Variants in MRPL48 observed in about 807,000 individuals in gnomAD.
MRPL48 encodes mitochondrial ribosomal protein L48.
A neutral mutation model predicts 32.9 loss-of-function variants in MRPL48; 16 were observed. That is an observed-to-expected ratio of 0.49 (90% CI 0.33 to 0.74). MRPL48 has a LOEUF of 0.74. MRPL48 is among the 30% of genes least tolerant of loss of function. MRPL48 has a pLI of 0.02. For missense variants in MRPL48, 206 were observed against 245.3 expected, an observed-to-expected ratio of 0.84 and a Z score of 1.07; for synonymous variants, 94 against 89.2, an observed-to-expected ratio of 1.05 and a Z score of -0.31.
At chr11:73,850,454 CTCTT>C (rs963679375) in intron 5 of MRPL48, 118 of 317,476 alleles carry the variant, frequency 3.7e-4, no homozygotes, top group African/African-American at 2.6e-3. Context: ...AAAAAAATCT[CTCTT>C]TCTTTATTCA....
At chr11:73,813,362 C>T (rs1444109471) in intron 3 of MRPL48, among the ~76,000 whole-genome samples, 1 of 151,740 alleles carries the variant, frequency 6.6e-6, no homozygotes, top group African/African-American at 2.4e-5. Flanking sequence ...TTAGTAGAGA[C>T]AGGGTTTCAC....
intron 3 of MRPL48, among the ~76,000 whole-genome samples, chr11:73,819,622 A>G (rs139247966): frequency 5.8e-4 from 88 of 152,346 alleles, no homozygotes; most frequent in Non-Finnish European, 9.3e-4. Flanking sequence ...AGTGCCTGGT[A>G]TAATGCCTGA....
rs115268961 is a variant in MRPL48, at chr11:73,805,049, C to G, written c.44C>G (p.Thr15Ser). The stretch of plus-strand genomic sequence containing the variant: ...TAGGTGCTGTGCCTGAGGAACAATA[C>G]CATTTTTAAGCAAGCCTTTTCTCTC... ...LEKVLCLRNN[T>S]IFKQAFSLLR... The change falls in exon 2 of 8, where the codon ACC becomes AGC. Residue 15 changes from threonine to serine, a missense_variant. Physicochemically the swap from Thr to Ser is moderately conservative, Grantham distance 58 (BLOSUM62 1). Coordinates refer to ENST00000310614, the MANE Select transcript of MRPL48 (RefSeq NM_016055.6). 2 of 1,589,062 alleles carry G rather than the reference C, an allele frequency of 1.3e-6. No homozygotes were observed. Among genetic ancestry groups the G allele is most frequent in the Non-Finnish European group, 1.7e-6 (2 of 1,166,718 alleles).
At chr11:73,825,674 A>G (rs1343544568) in intron 3 of MRPL48, 34 bp from the exon 4 acceptor site, 1 of 1,531,000 alleles carries the variant, frequency 6.5e-7, no homozygotes, top group Non-Finnish European at 8.8e-7. Context: ...AGCAACAACA[A>G]AAAAACAGGT....
intron 4 of MRPL48, among the ~76,000 whole-genome samples, chr11:73,826,855 C>T (rs1184297406): frequency 4.0e-5 from 6 of 150,184 alleles, no homozygotes; most frequent in Non-Finnish European, 8.9e-5. Context: ...CGGCTCACTG[C>T]AACCTCCACC....
At chr11:73,853,026 T>C (rs888767600) in intron 5 of MRPL48, among the ~76,000 whole-genome samples, 1 of 152,202 alleles carries the variant, frequency 6.6e-6, no homozygotes, top group African/African-American at 2.4e-5. Flanking sequence ...TTGTCATTTA[T>C]TTGTGGGTGC....
chr11:73,792,140 A>G (rs555820004), intron 1 of MRPL48, among the ~76,000 whole-genome samples: 1 of 152,340 alleles, frequency 6.6e-6, no homozygotes, highest in South Asian at 2.1e-4. Context: ...GGGTCAACAG[A>G]AGGAGTTCAG....
intron 1 of MRPL48, among the ~76,000 whole-genome samples, chr11:73,796,576 A>G (rs1027265737): frequency 1.1e-4 from 17 of 152,234 alleles, no homozygotes; most frequent in African/African-American, 3.9e-4. Context: ...AATGGCAGTG[A>G]GAGGCAGACA....
intron 1 of MRPL48, among the ~76,000 whole-genome samples, chr11:73,793,856 G>A (rs1169040670): frequency 6.9e-6 from 1 of 144,796 alleles, no homozygotes; most frequent in East Asian, 2.0e-4. Context: ...ACCTTGTTTC[G>A]TGTTTTTTTT....
chr11:73,826,360 G>T (rs1352715528), intron 4 of MRPL48, among the ~76,000 whole-genome samples: 1 of 152,112 alleles, frequency 6.6e-6, no homozygotes, highest in African/African-American at 2.4e-5. Context: ...AATCTTCCTA[G>T]TAGTGTACTT....
chr11:73,792,847 G>A (rs904650822), intron 1 of MRPL48, among the ~76,000 whole-genome samples: 3 of 152,158 alleles, frequency 2.0e-5, no homozygotes, highest in African/African-American at 7.2e-5. Flanking sequence ...CATTAATAAT[G>A]CAACTTGTAC....
intron 3 of MRPL48, among the ~76,000 whole-genome samples, chr11:73,810,113 T>TAAA (rs752808499): frequency 2.0e-5 from 3 of 152,236 alleles, no homozygotes; most frequent in Non-Finnish European, 4.4e-5. Context: ...CAATGAACAT[T>TAAA]TCTTTACCCA....
chr11:73,792,687 T>C (rs1406845455), intron 1 of MRPL48, among the ~76,000 whole-genome samples: 1 of 152,210 alleles, frequency 6.6e-6, no homozygotes, highest in African/African-American at 2.4e-5. Flanking sequence ...TATTTCCTGG[T>C]CACCACTAGA....
At chr11:73,788,586 G>A (rs1321435942) in intron 1 of MRPL48, among the ~76,000 whole-genome samples, 1 of 146,304 alleles carries the variant, frequency 6.8e-6, no homozygotes, top group African/African-American at 2.5e-5. Context: ...CGATTCTCCT[G>A]CCTCAGCCTC....
intron 1 of MRPL48, among the ~76,000 whole-genome samples, chr11:73,800,749 G>T (rs542779658): frequency 6.6e-6 from 1 of 151,966 alleles, no homozygotes; most frequent in Admixed American, 6.6e-5. Context: ...AGAGCTGACC[G>T]GGAGAGTTCA....
At chr11:73,794,186 A>ATCTATCTATCTGTCTG (rs200050705) in intron 1 of MRPL48, among the ~76,000 whole-genome samples, 20 of 131,424 alleles carry the variant, frequency 1.5e-4, no homozygotes, top group Admixed American at 8.3e-4. Flanking sequence ...GAGACCCTGT[A>ATCTATCTATCTGTCTG]TCTATCTATC....
intron 4 of MRPL48, among the ~76,000 whole-genome samples, chr11:73,828,302 A>G (rs1481299121): frequency 2.0e-5 from 3 of 149,960 alleles, no homozygotes; most frequent in Non-Finnish European, 3.0e-5. Context: ...TCGGCTCACT[A>G]CAACCTCTGC....
At chr11:73,825,320 G>GTA (rs1425301377) in intron 3 of MRPL48, among the ~76,000 whole-genome samples, 1 of 147,838 alleles carries the variant, frequency 6.8e-6, no homozygotes, top group Non-Finnish European at 1.5e-5. Flanking sequence ...GTGTGTGTGT[G>GTA]TGTATACATA....
At chr11:73,858,913 G>C (rs1011836984) in intron 5 of MRPL48, among the ~76,000 whole-genome samples, 1 of 152,226 alleles carries the variant, frequency 6.6e-6, no homozygotes, top group Non-Finnish European at 1.5e-5. Context: ...TTGACTCCAT[G>C]TTCCGTGTTA....
Sources: gnomAD v4.1 joint callset for allele counts (sites outside exome capture counted in the v4.1 genomes callset) on GRCh38, gnomAD v4.1.1 for gene constraint, MANE v1.5 for transcripts, NCBI Gene and HGNC (gene_info 2026-07-23, HGNC 2026-07-21) for gene names.